Variants in USP9X observed in about 807,000 individuals in gnomAD.
USP9X encodes ubiquitin specific peptidase 9 X-linked, also known as ubiquitin carboxyl-terminal hydrolase 9X.
Under a neutral mutation model 190.3 loss-of-function variants are expected in USP9X, and 7 were observed. The ratio of observed to expected loss-of-function variants is 0.04; its 90% confidence interval spans 0.02 to 0.07. USP9X has a LOEUF of 0.07. Ranked by LOEUF, USP9X falls within the 10% of genes least tolerant of loss-of-function variation. USP9X has a pLI of 1.00. For synonymous variants in USP9X, 645 were observed against 659.5 expected, an observed-to-expected ratio of 0.98 and a Z score of 0.34; for missense variants, 1,010 against 1,916.9, an observed-to-expected ratio of 0.53 and a Z score of 8.83.
At chrX:41,181,434 A>AAT in intron 21 of USP9X, among the ~76,000 whole-genome samples, 1 of 23,824 alleles carries the variant, frequency 4.2e-5, no homozygotes, top group Non-Finnish European at 8.7e-5. Context: ...ACCACACCTG[A>AAT]CTTTTTTTTT....
In USP9X at chrX:41,168,238, A is replaced by G. The variant is rs2062694268; in HGVS notation, c.2636+20A>G. 3 of 1,119,450 alleles carry G rather than the reference A, an allele frequency of 2.7e-6. No homozygotes were observed. Among genetic ancestry groups the G allele is most frequent in the South Asian group, 2.2e-5 (1 of 44,898 alleles). The allele number at this position is 1,119,450 out of a possible 1,213,427, so 92.3% of individuals were successfully genotyped here. A position where few individuals can be genotyped will look rare whatever the true frequency, so the allele number is the denominator to read the frequency against. Reference sequence around the variant, plus strand: ...GTCGAGGTTTGTGAATAACTAATCTATTGGTGCTAATTCTTAATTATTTGA... The same window carrying G: ...GTCGAGGTTTGTGAATAACTAATCTGTTGGTGCTAATTCTTAATTATTTGA... On this transcript the variant is annotated intron_variant, in intron 18 of 44. Transcript: ENST00000378308.
chrX:41,218,686 C>A, intron 37 of USP9X, 89 bp downstream of exon 37: 1 of 850,590 alleles, frequency 1.2e-6, no homozygotes, highest in Non-Finnish European at 1.7e-6. Flanking sequence ...TATGTGCATC[C>A]ACTTGATATG....
Position 41,136,942 on chromosome X carries a change from C to T in USP9X, c.574C>T (p.Pro192Ser). 7.4e-6 allele frequency: 9 copies of T among 1,211,485 alleles called. No individual in the cohort carries two copies. The highest frequency in any genetic ancestry group is 1.0e-5 in the Non-Finnish European group (9 of 895,298). ...ATTCCATATCTACAATGGTACACGTCCATGTGAATCAGTTTCCTCAAGTGT... is the reference window on the plus strand; with the variant it reads ...ATTCCATATCTACAATGGTACACGTTCATGTGAATCAGTTTCCTCAAGTGT... ...CKFHIYNGTR[P>S]CESVSSSVQL... The change falls in exon 6 of 45, where the codon CCA becomes TCA. Residue 192 changes from proline (P) to serine (S), a missense_variant. Coordinates refer to ENST00000378308, the MANE Select transcript of USP9X (RefSeq NM_001039591.3).
At chrX:41,115,253 A>C (rs1488312793) in intron 1 of USP9X, among the ~76,000 whole-genome samples, 2 of 109,737 alleles carry the variant, frequency 1.8e-5, no homozygotes, top group African/African-American at 6.7e-5. Context: ...AAAAAAAAAA[A>C]AAGTAGTGAG....
chrX:41,136,598 T>C (rs993105693), intron 5 of USP9X, among the ~76,000 whole-genome samples: 2 of 112,373 alleles, frequency 1.8e-5, no homozygotes, highest in African/African-American at 6.5e-5. Context: ...TTTTAAGCCA[T>C]AGCAAATGGC....
At chrX:41,122,043 T>G (rs978686900) in intron 1 of USP9X, among the ~76,000 whole-genome samples, 5 of 111,066 alleles carry the variant, frequency 4.5e-5, no homozygotes, top group Non-Finnish European at 9.4e-5. Flanking sequence ...TCAGTTGTAT[T>G]GGAGTATTAT....
Position 41,085,746 on chromosome X carries a change from GC to G in USP9X, c.-520del, listed in dbSNP as rs1467835612. ...GAGGCGGCGACTAGGGGAAGGTGAA[GC>G]CGTCGCTGCAGGAGGAGGAGCAGGA... On this transcript the variant is annotated 5_prime_UTR_variant, in exon 1 of 45. Transcript: ENST00000378308. 1 of 297,574 alleles carries G rather than the reference GC, an allele frequency of 3.4e-6. No homozygotes were observed. The highest frequency in any genetic ancestry group is 5.8e-6 in the Non-Finnish European group (1 of 171,104). The allele number at this position is 297,574 out of a possible 1,213,427, so 24.5% of individuals were successfully genotyped here.
intron 23 of USP9X, among the ~76,000 whole-genome samples, chrX:41,185,075 C>T (rs1201820711): frequency 3.6e-5 from 4 of 112,051 alleles, no homozygotes; most frequent in Non-Finnish European, 7.5e-5. Flanking sequence ...TCGGTTTCTG[C>T]CTTGGTGGCA....
chrX:41,112,136 C>T (rs1043403699), intron 1 of USP9X, among the ~76,000 whole-genome samples: 5 of 112,527 alleles, frequency 4.4e-5, no homozygotes, highest in Admixed American at 9.4e-5. Flanking sequence ...TCAGCCACTG[C>T]GCCCAGCCAG....
In USP9X at chrX:41,123,335, G is replaced by A. The variant is rs768220606; in HGVS notation, c.-158-136G>A. The A allele has an allele frequency of 1.2e-4, 30 of 260,112 alleles. No homozygotes were observed. In the South Asian group the frequency reaches 1.7e-3, roughly 15 times the overall value. 21.4% of individuals were successfully genotyped at this position (260,112 alleles called of 1,213,427 possible). A position where few individuals can be genotyped will look rare whatever the true frequency, so the allele number is the denominator to read the frequency against. The stretch of plus-strand genomic sequence containing the variant: ...TAAATGTAGTATTAATGAAACTTCA[G>A]CTTTTTACTTTCTCTTCTTGTTTGT... On this transcript the variant is annotated intron_variant, in intron 1 of 44. Transcript: ENST00000378308.
chrX:41,179,981 T>A (rs981071427), intron 21 of USP9X, among the ~76,000 whole-genome samples: 1 of 112,045 alleles, frequency 8.9e-6, no homozygotes, highest in East Asian at 2.8e-4. Flanking sequence ...TATGTTCTTT[T>A]GAGTTTATGT....
intron 14 of USP9X, among the ~76,000 whole-genome samples, chrX:41,160,709 G>C (rs2062622282): frequency 8.9e-6 from 1 of 111,842 alleles, no homozygotes; most frequent in Admixed American, 9.5e-5. Flanking sequence ...TGACGAAGTG[G>C]CATGGAAGCC....
chrX:41,195,046 C>CTTTTTTTTTTTTTTTTTT (rs931341447), intron 26 of USP9X, among the ~76,000 whole-genome samples: 44 of 104,707 alleles, frequency 4.2e-4, no homozygotes, highest in East Asian at 6.3e-4. Context: ...TTTTTTCTTT[C>CTTTTTTTTTTTTTTTTTT]TTTTTTTTGG....
chrX:41,185,346 T>G (rs749140238), intron 23 of USP9X, among the ~76,000 whole-genome samples: 5 of 111,735 alleles, frequency 4.5e-5, no homozygotes, highest in Admixed American at 3.8e-4. Flanking sequence ...GATAATACTG[T>G]GGTTATGTTT....
chrX:41,159,494 C>T (rs2062608817), intron 14 of USP9X, among the ~76,000 whole-genome samples: 1 of 111,205 alleles, frequency 9.0e-6, no homozygotes, highest in African/African-American at 3.3e-5. Flanking sequence ...GGGAAAAAGT[C>T]TGTCAGAAAA....
intron 3 of USP9X, among the ~76,000 whole-genome samples, chrX:41,131,036 C>T (rs1395207809): frequency 9.3e-6 from 1 of 108,100 alleles, no homozygotes; most frequent in Non-Finnish European, 1.9e-5. Flanking sequence ...AACCCTGTCT[C>T]TTACCAAAAA....
At chrX:41,196,455 A>G (rs2147189380) in intron 27 of USP9X, 96 bp downstream of exon 27, 1 of 1,073,349 alleles carries the variant, frequency 9.3e-7, no homozygotes, top group Non-Finnish European at 1.3e-6. Context: ...AAGTTAGGAC[A>G]GTCTATATTT....
rs1198926732 is a variant in USP9X at position 41,218,568 on chromosome X, C to T, written c.6406C>T (p.Pro2136Ser). 1.7e-6 allele frequency: 2 copies of T among 1,211,270 alleles called. No individual in the cohort carries two copies. The highest frequency in any genetic ancestry group is 2.2e-6 in the Non-Finnish European group (2 of 895,124). The change falls in exon 37 of 45, where the codon CCT (proline) becomes TCT (serine). Residue 2136 changes from proline to serine, a missense_variant. This residue lies in a region of USP9X where 121 missense variants were observed against 281.2 expected (regional missense o/e 0.43). Transcript: ENST00000378308. ...CTTGCAAGATGGGCCATGTCCTTCA[C>T]CTTTTGCCTCTCCTGGACCTTCTAG... is the stretch of plus-strand genomic sequence containing the variant. ...FSLQDGPCPS[P>S]FASPGPSSQA... is the part of the protein sequence containing the mutation.
chrX:41,192,012 AC>A (rs2062940989), intron 26 of USP9X, among the ~76,000 whole-genome samples: 1 of 111,063 alleles, frequency 9.0e-6, no homozygotes, highest in South Asian at 3.8e-4. Context: ...CTCATGGTCT[AC>A]CCTGATCTAA....
Sources: gnomAD v4.1 joint callset for allele counts (sites outside exome capture counted in the v4.1 genomes callset) on GRCh38, gnomAD v4.1.1 for gene constraint, gnomAD v4.1.1 regional missense constraint, MANE v1.5 for transcripts, NCBI Gene and HGNC (gene_info 2026-07-23, HGNC 2026-07-21) for gene names.